IQSEC3: variants seen among roughly 807,000 people sequenced by gnomAD.
IQSEC3 encodes IQ motif and SEC7 domain-containing protein 3.
In IQSEC3, 50 loss-of-function variants were observed where a neutral mutation model predicts 105.4. That is an observed-to-expected ratio of 0.47 (90% CI 0.38 to 0.60). IQSEC3 has a LOEUF of 0.60. Among genes scored for constraint, IQSEC3 ranks in the 20% least tolerant of loss-of-function variants. The probability of loss-of-function intolerance (pLI) is 0.00; values close to 1 mark genes in which losing one functional copy is unlikely to be tolerated. For missense variants in IQSEC3, 1,415 were observed against 1,630.0 expected, an observed-to-expected ratio of 0.87 and a Z score of 2.27; for synonymous variants, 708 against 746.0, an observed-to-expected ratio of 0.95 and a Z score of 0.83.
chr12:165,703 C>T, intron 10 of IQSEC3, 26 bp from the exon 11 acceptor site: 1 of 1,611,250 alleles, frequency 6.2e-7, no homozygotes, highest in East Asian at 2.2e-5. Flanking sequence ...TCACAGCCCA[C>T]TGGGGGCCTG....
chr12:128,707 G>A (rs1422687199), intron 3 of IQSEC3, among the ~76,000 whole-genome samples: 2 of 152,078 alleles, frequency 1.3e-5, no homozygotes, highest in African/African-American at 4.8e-5. Context: ...CAGTGCCCCT[G>A]CCCCAGGAGG....
intron 3 of IQSEC3, among the ~76,000 whole-genome samples, chr12:137,211 A>G (rs1865801240): frequency 6.6e-6 from 1 of 152,202 alleles, no homozygotes; most frequent in Admixed American, 6.5e-5. Flanking sequence ...TACTGGGAAC[A>G]CACAGATGGT....
At chr12:125,346 A>T (rs1865351541) in intron 2 of IQSEC3, among the ~76,000 whole-genome samples, 1 of 152,120 alleles carries the variant, frequency 6.6e-6, no homozygotes, top group Non-Finnish European at 1.5e-5. Flanking sequence ...CAGAGCCCAG[A>T]TGCACCGCTC....
intron 1 of IQSEC3, among the ~76,000 whole-genome samples, chr12:75,537 G>T (rs1863484339): frequency 6.6e-6 from 1 of 151,958 alleles, no homozygotes; most frequent in East Asian, 1.9e-4. Context: ...CTCCTTTCTA[G>T]GATCTTAAAA....
chr12:149,099 A>C (rs1476699138), intron 5 of IQSEC3: 1 of 152,248 alleles, frequency 6.6e-6, no homozygotes, highest in South Asian at 2.1e-4. Flanking sequence ...AGAGGCAGGG[A>C]ACATACATCC....
intron 8 of IQSEC3, 42 bp from the exon 9 acceptor site, chr12:163,452 A>T (rs781895129): frequency 6.5e-7 from 1 of 1,527,044 alleles, no homozygotes; most frequent in Non-Finnish European, 8.8e-7. Context: ...GGAGGCCTCC[A>T]GGCCTCTGGT....
At chr12:142,799 C>T (rs554020063) in intron 5 of IQSEC3, among the ~76,000 whole-genome samples, 96 of 152,324 alleles carry the variant, frequency 6.3e-4, no homozygotes, top group Admixed American at 2.7e-3. Context: ...ATGGCATTTC[C>T]TCACGCCCTT....
intron 12 of IQSEC3, 40 bp downstream of exon 12, chr12:169,145 G>T: frequency 1.3e-6 from 2 of 1,548,200 alleles, no homozygotes; most frequent in Non-Finnish European, 1.8e-6. Flanking sequence ...TCCCCATGGA[G>T]GCCACTCGGG....
At chr12:156,951 G>T in intron 5 of IQSEC3, 74 bp from the exon 6 acceptor site, 1 of 1,427,774 alleles carries the variant, frequency 7.0e-7, no homozygotes, top group Non-Finnish European at 9.2e-7. Flanking sequence ...GCTGGGAACA[G>T]AGGCCAGCGA....
intron 13 of IQSEC3, 48 bp downstream of exon 13, chr12:171,209 G>A: frequency 6.2e-7 from 1 of 1,613,926 alleles, no homozygotes; most frequent in Non-Finnish European, 8.5e-7. Flanking sequence ...CTGCCCCCTT[G>A]TTCTTCTTCT....
intron 5 of IQSEC3, among the ~76,000 whole-genome samples, chr12:151,845 C>G (rs1555092761): frequency 6.6e-6 from 1 of 152,098 alleles, no homozygotes; most frequent in East Asian, 1.9e-4. Context: ...CCTGACAGCT[C>G]TCCCCTCTCT....
At chr12:90,899 T>TGA (rs782462932) in intron 1 of IQSEC3, among the ~76,000 whole-genome samples, 1 of 151,890 alleles carries the variant, frequency 6.6e-6, no homozygotes, top group Non-Finnish European at 1.5e-5. Context: ...TTGGAGGAGG[T>TGA]GAGAAAATTA....
chr12:177,668 T>G lies in IQSEC3; in HGVS notation c.*2635T>G, dbSNP rs1939279808. On this transcript the variant is annotated 3_prime_UTR_variant, in exon 14 of 14. Coordinates refer to ENST00000538872, the MANE Select transcript of IQSEC3 (RefSeq NM_001170738.2). The surrounding 1 kb of genome is among the most constrained non-coding windows in gnomAD (Gnocchi z 5.3). ...AGGACACAGCTGGCCCTCCTCATTGTCAGGGGAAGCAAGTGCCCAACATCT... is the reference window on the plus strand; with the variant it reads ...AGGACACAGCTGGCCCTCCTCATTGGCAGGGGAAGCAAGTGCCCAACATCT... 6.6e-6 allele frequency: 1 copy of G among 152,458 alleles called. No individual in the cohort carries two copies. The highest frequency in any genetic ancestry group is 2.4e-5 in the African/African-American group (1 of 41,440). The allele number at this position is 152,458 out of a possible 1,614,324, so 9.4% of individuals were successfully genotyped here.
chr12:122,986 G>A (rs1197931629), intron 2 of IQSEC3, among the ~76,000 whole-genome samples: 1 of 152,206 alleles, frequency 6.6e-6, no homozygotes, highest in Non-Finnish European at 1.5e-5. Flanking sequence ...GACACAGGCT[G>A]TGCTGTGGTG....
rs1350217115 is a variant in IQSEC3, at chr12:174,706, G to A, written c.3222G>A (p.Gln1074=). Residue 1074 remains glutamine (Q), a synonymous_variant, in exon 14 of 14, where the codon CAG becomes CAA. Coordinates refer to ENST00000538872, the MANE Select transcript of IQSEC3 (RefSeq NM_001170738.2). ...PPDLQPSPPR[Q]QTPPLPPPPP... The stretch of plus-strand genomic sequence containing the variant: ...ACCTGCAGCCTAGCCCCCCGAGACA[G>A]CAGACCCCACCACTGCCGCCGCCGC... 1.9e-6 allele frequency: 3 copies of A among 1,593,936 alleles called. 1 individual carries two copies. The South Asian group carries it at 3.3e-5, about 18-fold the overall frequency.
intron 13 of IQSEC3, among the ~76,000 whole-genome samples, chr12:172,867 G>C (rs1300050900): frequency 1.3e-5 from 2 of 152,224 alleles, no homozygotes; most frequent in African/African-American, 2.4e-5. Flanking sequence ...CAGGGATGCA[G>C]TGGGGGGACC....
At chr12:81,445 T>C (rs2136884059) in intron 1 of IQSEC3, among the ~76,000 whole-genome samples, 1 of 152,284 alleles carries the variant, frequency 6.6e-6, no homozygotes, top group East Asian at 1.9e-4. Flanking sequence ...AGGTAAGAGA[T>C]GCTAGTAGCT....
Position 138,455 on chromosome 12 carries a change from G to A in IQSEC3, c.1092G>A (p.Leu364=). The A allele has an allele frequency of 6.2e-7, 1 of 1,603,116 alleles. No individual in the cohort carries two copies. The highest frequency in any genetic ancestry group is 8.5e-7 in the Non-Finnish European group (1 of 1,178,804). Residue 364 remains leucine (L), a synonymous_variant, in exon 4 of 14, where the codon CTG becomes CTA. Coordinates refer to ENST00000538872, the MANE Select transcript of IQSEC3 (RefSeq NM_001170738.2). The surrounding 1 kb of genome is among the most constrained non-coding windows in gnomAD (Gnocchi z 7.1). ...RKVRSPTAES[L]AAEKALMEGY... ...TGCGGTCACCCACGGCCGAGAGCCT[G>A]GCGGCCGAGAAAGCGCTCATGGAGG...
chr12:139,187 GTCAGGCTCGGAGGCGTCGGCC>G lies in IQSEC3; in HGVS notation c.1827_1847del (p.Gly610_Ser616del). 6.3e-7 allele frequency: 1 copy of G among 1,589,416 alleles called. No individual in the cohort carries two copies. Among genetic ancestry groups the G allele is most frequent in the South Asian group, 1.1e-5 (1 of 88,080 alleles). ...GCAGCACGTCCACCAAGTCCGCCAA[GTCAGGCTCGGAGGCGTCGGCC>G]TCCGCCTCCAAGGACGCCCTGCAGG... is the stretch of plus-strand genomic sequence containing the variant. On this transcript the variant is annotated inframe_deletion, in exon 4 of 14. Coordinates refer to ENST00000538872, the MANE Select transcript of IQSEC3 (RefSeq NM_001170738.2).
Sources: gnomAD v4.1 joint callset for allele counts (sites outside exome capture counted in the v4.1 genomes callset) on GRCh38, gnomAD v4.1.1 for gene constraint, Gnocchi (gnomAD v3.1) non-coding constraint, MANE v1.5 for transcripts, NCBI Gene and HGNC (gene_info 2026-07-23, HGNC 2026-07-21) for gene names.